Variants in PCSK5 observed in about 807,000 individuals in gnomAD.
The protein encoded by PCSK5 is proprotein convertase subtilisin/kexin type 5.
PCSK5 carries 129 observed loss-of-function variants against 233.2 expected under a neutral mutation model. That is an observed-to-expected ratio of 0.55 (90% CI 0.48 to 0.64). PCSK5 has a LOEUF of 0.64. Ranked by LOEUF, PCSK5 falls within the 30% of genes least tolerant of loss-of-function variation. The pLI, the probability that PCSK5 is intolerant of heterozygous loss-of-function variation, is 0.00. For synonymous variants in PCSK5, 825 were observed against 879.2 expected (o/e 0.94, Z 1.09); for missense variants, 2,076 against 2,430.1 (o/e 0.85, Z 3.06).
intron 1 of PCSK5, among the ~76,000 whole-genome samples, chr9:75,902,179 G>C (rs1826064747): frequency 8.0e-6 from 1 of 125,754 alleles, no homozygotes; most frequent in South Asian, 2.7e-4. Flanking sequence ...TCGCGCCACT[G>C]CATTTCAGCC....
chr9:75,924,418 C>T (rs1173086714), intron 1 of PCSK5, among the ~76,000 whole-genome samples: 3 of 152,108 alleles, frequency 2.0e-5, no homozygotes, highest in Non-Finnish European at 4.4e-5. Flanking sequence ...ATAGCATTTA[C>T]GAATCTAGGT....
chr9:76,152,774 C>T (rs11144768), intron 10 of PCSK5, among the ~76,000 whole-genome samples: 6,109 of 152,250 alleles, frequency 0.04, 464 homozygotes, highest in East Asian at 0.32. Context: ...TCCTGCTGAG[C>T]TTTCTAGCTT....
chr9:76,243,615 C>T (rs747498616), intron 24 of PCSK5, among the ~76,000 whole-genome samples: 1 of 152,134 alleles, frequency 6.6e-6, no homozygotes, highest in African/African-American at 2.4e-5. Context: ...TTTCTAGTTT[C>T]CCTTTGTTAG....
intron 24 of PCSK5, among the ~76,000 whole-genome samples, chr9:76,271,373 C>A (rs1827506303): frequency 1.3e-5 from 2 of 152,200 alleles, no homozygotes; most frequent in South Asian, 4.1e-4. Flanking sequence ...CCAAACTCAC[C>A]AATTCACACA....
chr9:75,995,684 T>G (rs1490586627), intron 3 of PCSK5, among the ~76,000 whole-genome samples: 1 of 151,530 alleles, frequency 6.6e-6, no homozygotes, highest in African/African-American at 2.4e-5. Context: ...GTGGGCTAGA[T>G]GGAGGTCCAA....
chr9:76,322,214 T>C (rs1280250793), intron 31 of PCSK5, among the ~76,000 whole-genome samples: 1 of 152,168 alleles, frequency 6.6e-6, no homozygotes, highest in Non-Finnish European at 1.5e-5. Flanking sequence ...CCTCCCAAAG[T>C]GCTGGGATTA....
At chr9:76,286,133 G>T (rs1263794176) in intron 24 of PCSK5, among the ~76,000 whole-genome samples, 3 of 152,098 alleles carry the variant, frequency 2.0e-5, no homozygotes, top group African/African-American at 7.2e-5. Flanking sequence ...TTTTTTTCCT[G>T]CAGGTCATTT....
At chr9:76,314,176 C>A (rs1052228363) in intron 30 of PCSK5, among the ~76,000 whole-genome samples, 2 of 152,094 alleles carry the variant, frequency 1.3e-5, no homozygotes, top group Admixed American at 1.3e-4. Context: ...TGTATTTTAC[C>A]TCAGAGTCTG....
chr9:76,195,581 A>G (rs1824657605), intron 20 of PCSK5: 2 of 152,174 alleles, frequency 1.3e-5, no homozygotes, highest in African/African-American at 2.4e-5. Context: ...TTAATGTTAT[A>G]TATTATGTAT....
At chr9:76,042,550 G>A (rs185078295) in intron 5 of PCSK5, among the ~76,000 whole-genome samples, 5 of 152,180 alleles carry the variant, frequency 3.3e-5, no homozygotes, top group Admixed American at 3.3e-4. Context: ...AGCTACTAGG[G>A]GGGGCTGAGG....
At chr9:76,110,200 A>G (rs1832154002) in intron 9 of PCSK5, among the ~76,000 whole-genome samples, 1 of 152,032 alleles carries the variant, frequency 6.6e-6, no homozygotes, top group Admixed American at 6.6e-5. Flanking sequence ...ATGACTCAGG[A>G]CACTGCCCTA....
At chr9:76,155,706 AAGG>A (rs756653938) in intron 10 of PCSK5, among the ~76,000 whole-genome samples, 4 of 152,240 alleles carry the variant, frequency 2.6e-5, no homozygotes, top group African/African-American at 4.8e-5. Context: ...CCAGAGTAGA[AAGG>A]AGAAAAGTTC....
chr9:76,295,115 T>C (rs985149719), intron 25 of PCSK5, among the ~76,000 whole-genome samples, 160 bp from the exon 26 acceptor site: 1 of 152,080 alleles, frequency 6.6e-6, no homozygotes, highest in Admixed American at 6.5e-5. Flanking sequence ...GATCGACCAC[T>C]GCACTCCAGC....
chr9:76,302,244 TCA>T (rs767819133), intron 28 of PCSK5, 27 bp downstream of exon 28: 15 of 1,098,914 alleles, frequency 1.4e-5, no homozygotes, highest in Non-Finnish European at 1.6e-5. Flanking sequence ...GAGGCAACAA[TCA>T]CAGCAGCAGA....
At chr9:76,144,753 G>A (rs906497346) in intron 10 of PCSK5, among the ~76,000 whole-genome samples, 2 of 152,200 alleles carry the variant, frequency 1.3e-5, no homozygotes, top group African/African-American at 2.4e-5. Flanking sequence ...TTAATCTGCA[G>A]CCATTGCTTC....
At chr9:76,003,261 C>T (rs1228563096) in intron 3 of PCSK5, among the ~76,000 whole-genome samples, 2 of 152,146 alleles carry the variant, frequency 1.3e-5, no homozygotes, top group African/African-American at 4.8e-5. Context: ...CAAGAAGAGA[C>T]AGCTGGCAGG....
chr9:76,191,467 T>C (rs1271759092), intron 20 of PCSK5, among the ~76,000 whole-genome samples: 1 of 152,184 alleles, frequency 6.6e-6, no homozygotes, highest in African/African-American at 2.4e-5. Flanking sequence ...ACTACTGACC[T>C]CATCTGGTTA....
At chr9:75,911,531 C>T (rs1007179111) in intron 1 of PCSK5, among the ~76,000 whole-genome samples, 1 of 152,160 alleles carries the variant, frequency 6.6e-6, no homozygotes, top group African/African-American at 2.4e-5. Context: ...CTTATGTGCT[C>T]ATCAGAAGAG....
chr9:76,177,651 A>G (rs1823674911), intron 14 of PCSK5, among the ~76,000 whole-genome samples: 1 of 152,224 alleles, frequency 6.6e-6, no homozygotes, highest in Non-Finnish European at 1.5e-5. Flanking sequence ...AAAAACATAA[A>G]TAGAGTATAA....
Sources: gnomAD v4.1 joint callset for allele counts (sites outside exome capture counted in the v4.1 genomes callset) on GRCh38, gnomAD v4.1.1 for gene constraint, MANE v1.5 for transcripts, NCBI Gene and HGNC (gene_info 2026-07-23, HGNC 2026-07-21) for gene names.